PCDHGA8: variants seen among roughly 807,000 people sequenced by gnomAD.
PCDHGA8 encodes protocadherin gamma-A8.
PCDHGA8 carries 45 observed loss-of-function variants against 59.2 expected under a neutral mutation model. That is an observed-to-expected ratio of 0.76 (90% CI 0.60 to 0.98). PCDHGA8 has a LOEUF of 0.98. PCDHGA8 is among the 50% of genes least tolerant of loss of function. The probability of loss-of-function intolerance (pLI) is 0.00; values close to 1 mark genes in which losing one functional copy is unlikely to be tolerated. For synonymous variants in PCDHGA8, 531 were observed against 519.0 expected (o/e 1.02, Z -0.32); for missense variants, 1,257 against 1,196.2 (o/e 1.05, Z -0.75).
rs527641698 is a variant in PCDHGA8 at position 141,410,317 on chromosome 5, C to G, written c.2424+15080C>G. The G allele has an allele frequency of 2.5e-6, 4 of 1,613,892 alleles. No homozygotes were observed. In the East Asian group the frequency reaches 6.7e-5, roughly 27 times the overall value. ...CCTTAATCTCAGTGCTCTTCCTCCT[C>G]GCCGTGATTCTGGCCATTGCCTTGC... On this transcript the variant is annotated intron_variant, in intron 1 of 3. Transcript: ENST00000398604.
chr5:141,405,370 G>T (rs2094649512), intron 1 of PCDHGA8: 1 of 1,606,236 alleles, frequency 6.2e-7, no homozygotes, highest in Non-Finnish European at 8.5e-7. Context: ...ACACCCCTTT[G>T]GTTCCGGTGA....
chr5:141,394,466 C>G lies in PCDHGA8; in HGVS notation c.1653C>G (p.Phe551Leu), dbSNP rs765078363. 3.7e-6 allele frequency: 6 copies of G among 1,614,222 alleles called. 1 individual carries two copies. Among genetic ancestry groups the G allele is most frequent in the East Asian group, 4.5e-5 (2 of 44,878 alleles). The change falls in exon 1 of 4, where the codon TTC becomes TTG. Residue 551 changes from phenylalanine to leucine, a missense_variant. Phe to Leu is a conservative substitution (Grantham distance 22, BLOSUM62 0). Transcript: ENST00000398604. ...PLSSNMSLSL[F>L]VLDQNDNAPE... The stretch of plus-strand genomic sequence containing the variant: ...GCAGCAACATGTCACTGAGCCTGTT[C>G]GTGCTGGACCAGAATGACAACGCGC...
chr5:141,407,656 C>T (rs1333500318), intron 1 of PCDHGA8, among the ~76,000 whole-genome samples: 1 of 151,756 alleles, frequency 6.6e-6, no homozygotes, highest in Admixed American at 6.6e-5. Flanking sequence ...TGGGGGAGCG[C>T]AGTATATATT....
Position 141,422,774 on chromosome 5 carries a change from A to G in PCDHGA8, c.2424+27537A>G, listed in dbSNP as rs372343628. On this transcript the variant is annotated intron_variant, in intron 1 of 3. Coordinates refer to ENST00000398604, the MANE Select transcript of PCDHGA8 (RefSeq NM_032088.2). ...ATTAACTCCAACACTGGTGTTCTCT[A>G]TGCCCTACAATCCTTCGACTATGAG... 100 of 1,613,880 alleles carry G rather than the reference A, an allele frequency of 6.2e-5. 1 individual carries two copies. In the Middle Eastern group the frequency reaches 1.3e-3, roughly 21 times the overall value.
chr5:141,429,234 T>C (rs2097199038), intron 1 of PCDHGA8: 1 of 152,114 alleles, frequency 6.6e-6, no homozygotes, highest in African/African-American at 2.4e-5. Context: ...ATGATACTGC[T>C]GTCATTGAGA....
rs200349213 is a variant in PCDHGA8 at position 141,425,728 on chromosome 5, GGAT to G, written c.2424+30493_2424+30495del. Among the ~76,000 whole-genome samples the G allele has an allele frequency of 9.8e-4, 149 of 152,196 alleles. 2 individuals carry two copies. In the East Asian group the frequency reaches 0.027, roughly 28 times the overall value. ...AAAATTTTCCCATACCACTTGATGG[GGAT>G]GTTTTCCCACAAGGTTTTTGTTCTA... On this transcript the variant is annotated intron_variant, in intron 1 of 3. Transcript: ENST00000398604.
chr5:141,476,184 T>C lies in PCDHGA8; in HGVS notation c.2425-18623T>C, dbSNP rs1038598087. ...AGGGTAGTGGGAGTTTTGCTTCTGC[T>C]TGGTGCCTTGAACAAGGCTTCCACG... On this transcript the variant is annotated intron_variant, in intron 1 of 3. Coordinates refer to ENST00000398604, the MANE Select transcript of PCDHGA8 (RefSeq NM_032088.2). The surrounding 1 kb of genome is among the most constrained non-coding windows in gnomAD (Gnocchi z 7.6). 1 of 1,613,708 alleles carries C rather than the reference T, an allele frequency of 6.2e-7. No homozygotes were observed. Among genetic ancestry groups the C allele is most frequent in the Non-Finnish European group, 8.5e-7 (1 of 1,179,992 alleles).
At chr5:141,427,965 C>G in intron 1 of PCDHGA8, 1 of 1,590,342 alleles carries the variant, frequency 6.3e-7, no homozygotes, top group Non-Finnish European at 8.6e-7. Flanking sequence ...GCCGCGGGTG[C>G]TGTACCCCGC....
rs375166529 is a variant in PCDHGA8, at chr5:141,399,734, C to G, written c.2424+4497C>G. The G allele has an allele frequency of 3.7e-6, 6 of 1,613,220 alleles. No homozygotes were observed. The African/African-American group carries it at 4.0e-5, about 11-fold the overall frequency. ...CTACAGGCCCGCGACCAGGGCTCGC[C>G]TGCGCTCAGCGCAAACGTGAGCCTG... On this transcript the variant is annotated intron_variant, in intron 1 of 3. Transcript: ENST00000398604.
At chr5:141,423,076 C>A in intron 1 of PCDHGA8, 1 of 1,614,128 alleles carries the variant, frequency 6.2e-7, no homozygotes, top group Non-Finnish European at 8.5e-7. Context: ...CGAGCCGGGA[C>A]TCTTCGCGGT....
intron 1 of PCDHGA8, among the ~76,000 whole-genome samples, chr5:141,474,089 CAAACAACAACAA>C (rs985204397): frequency 3.3e-5 from 5 of 152,116 alleles, no homozygotes; most frequent in Admixed American, 2.0e-4. Flanking sequence ...AACCAAAAAA[CAAACAACAACAA>C]AAACAACAAC....
Position 141,476,437 on chromosome 5 carries a change from T to C in PCDHGA8, c.2425-18370T>C, listed in dbSNP as rs1260141259. The C allele has an allele frequency of 6.2e-7, 1 of 1,614,004 alleles. No homozygotes were observed. Among genetic ancestry groups the C allele is most frequent in the East Asian group, 2.2e-5 (1 of 44,836 alleles). ...GGACACTGCCCTCTTGCACTGTAAC[T>C]CTGGAGTTGGTAGTGGAGAACCCGC... On this transcript the variant is annotated intron_variant, in intron 1 of 3. Transcript: ENST00000398604. This position sits in a 1 kb window ranked among gnomAD's most constrained non-coding sequence, Gnocchi z 7.6.
chr5:141,492,846 A>G (rs1404624093), intron 1 of PCDHGA8, among the ~76,000 whole-genome samples: 1 of 152,184 alleles, frequency 6.6e-6, no homozygotes, highest in African/African-American at 2.4e-5. Flanking sequence ...AGGAAGTGAA[A>G]GCCTCGAGCG....
chr5:141,506,294 C>T (rs1165174121), intron 3 of PCDHGA8, among the ~76,000 whole-genome samples: 1 of 151,888 alleles, frequency 6.6e-6, no homozygotes, highest in African/African-American at 2.4e-5. Context: ...ACTAAAAATA[C>T]AAAAATTAGC....
intron 1 of PCDHGA8, chr5:141,426,875 C>T (rs1005769074): frequency 8.8e-6 from 4 of 456,566 alleles, no homozygotes; most frequent in African/African-American, 4.0e-5. Context: ...TGGAGAAGCC[C>T]CTGGGCCAGG....
chr5:141,460,981 G>GTA (rs1491204135), intron 1 of PCDHGA8, among the ~76,000 whole-genome samples: 1,658 of 121,856 alleles, frequency 0.014, 27 homozygotes, highest in African/African-American at 0.051. Flanking sequence ...GTGTGTGTGT[G>GTA]TGTATATATA....
rs1562142740 is a variant in PCDHGA8, at chr5:141,490,958, ACT to A, written c.2425-3847_2425-3846del. 1 of 1,613,728 alleles carries A rather than the reference ACT, an allele frequency of 6.2e-7. No homozygotes were observed. Among genetic ancestry groups the A allele is most frequent in the Non-Finnish European group, 8.5e-7 (1 of 1,179,830 alleles). On this transcript the variant is annotated intron_variant, in intron 1 of 3. Transcript: ENST00000398604. The surrounding 1 kb of genome is among the most constrained non-coding windows in gnomAD (Gnocchi z 5.4). Reference sequence around the variant, plus strand: ...CTGCACCCACGGCCAGACTGGGAACACTCAGCCCCCCAGCGTCTCCCTCGCTC... The same window carrying A: ...CTGCACCCACGGCCAGACTGGGAACACAGCCCCCCAGCGTCTCCCTCGCTC...
intron 1 of PCDHGA8, among the ~76,000 whole-genome samples, chr5:141,458,351 T>A (rs903399511): frequency 2.0e-5 from 3 of 152,010 alleles, no homozygotes; most frequent in African/African-American, 7.3e-5. Flanking sequence ...GAGAGTTTAA[T>A]AAGCAAGAAG....
At chr5:141,423,659 A>G in intron 1 of PCDHGA8, 2 of 1,551,038 alleles carry the variant, frequency 1.3e-6, no homozygotes, top group Non-Finnish European at 1.7e-6. Flanking sequence ...ACAAGTAATC[A>G]GGTGAGATTT....
Sources: allele counts gnomAD v4.1 joint callset (sites outside exome capture counted in the v4.1 genomes callset), GRCh38; gene constraint gnomAD v4.1.1; non-coding constraint Gnocchi (gnomAD v3.1); transcripts MANE v1.5; gene names NCBI Gene and HGNC (gene_info 2026-07-23, HGNC 2026-07-21).